Variants in TNFRSF11B observed in about 807,000 individuals in gnomAD.
TNFRSF11B encodes the protein TNF receptor superfamily member 11b, also known as tumor necrosis factor receptor superfamily member 11B.
Under a neutral mutation model 43.4 loss-of-function variants are expected in TNFRSF11B, and 16 were observed. That is an observed-to-expected ratio of 0.37 (90% CI 0.25 to 0.56). The LOEUF is 0.56. Among genes scored for constraint, TNFRSF11B ranks in the 20% least tolerant of loss-of-function variants. TNFRSF11B has a pLI of 0.80. For missense variants in TNFRSF11B, 444 were observed against 490.1 expected (o/e 0.91, Z 0.89); for synonymous variants, 185 against 181.8 (o/e 1.02, Z -0.14).
At chr8:118,949,457 G>A (rs1243774596) in intron 1 of TNFRSF11B, among the ~76,000 whole-genome samples, 1 of 152,144 alleles carries the variant, frequency 6.6e-6, no homozygotes, top group Non-Finnish European at 1.5e-5. Flanking sequence ...GAAACTTTAT[G>A]TGGGCATCTT....
chr8:118,924,739 C>T lies in TNFRSF11B; in HGVS notation c.841G>A (p.Val281Met), dbSNP rs140782326. 2.4e-3 allele frequency: 3,800 copies of T among 1,614,154 alleles called. 62 individuals are homozygous for T. The highest frequency in any genetic ancestry group is 0.019 in the South Asian group (1,761 of 91,076). ...IQDIDLCENS[V>M]QRHIGHANLT... ...TTAGCATGTCCAATGTGCCGCTGCACGCTGTTTTCACAGAGGTCAATATCT... is the reference window on the plus strand; with the variant it reads ...TTAGCATGTCCAATGTGCCGCTGCATGCTGTTTTCACAGAGGTCAATATCT... Residue 281 changes from valine (V) to methionine (M), a missense_variant, in exon 5 of 5, where the codon GTG becomes ATG. Transcript: ENST00000297350.
chr8:118,936,397 C>CA (rs1440785723), intron 1 of TNFRSF11B, among the ~76,000 whole-genome samples: 1 of 152,044 alleles, frequency 6.6e-6, no homozygotes, highest in Non-Finnish European at 1.5e-5. Context: ...TCTGTGTGGC[C>CA]AAAATTGGAT....
chr8:118,928,777 A>C lies in TNFRSF11B; in HGVS notation c.553T>G (p.Cys185Gly). 1 of 1,614,170 alleles carries C rather than the reference A, an allele frequency of 6.2e-7. No homozygotes were observed. The highest frequency in any genetic ancestry group is 8.5e-7 in the Non-Finnish European group (1 of 1,180,026). The change falls in exon 3 of 5, where the codon TGT (cysteine) becomes GGT (glycine). Residue 185 changes from cysteine to glycine, a missense_variant. Physicochemically the swap from Cys to Gly is radical, Grantham distance 159. Transcript: ENST00000297350. ...QKGNATHDNICSGNSESTQKC... is the reference protein window; with the variant it reads ...QKGNATHDNIGSGNSESTQKC... ...TGAGTTGATTCACTGTTTCCGGAAC[A>C]TATGTTGTCGTGTGTTGCATTTCCT...
intron 1 of TNFRSF11B, 117 bp downstream of exon 1, chr8:118,951,675 T>C: frequency 9.8e-7 from 1 of 1,022,440 alleles, no homozygotes; most frequent in Non-Finnish European, 1.5e-6. Flanking sequence ...ACCCCAAGCC[T>C]CTCCTGGGAG....
intron 3 of TNFRSF11B, among the ~76,000 whole-genome samples, chr8:118,927,540 C>T (rs1440068605): frequency 4.5e-5 from 6 of 133,916 alleles, no homozygotes; most frequent in Admixed American, 2.6e-4. Context: ...CCTTTTAATA[C>T]CCCTTCCTTC....
At chr8:118,951,240 TAC>T (rs1195697186) in intron 1 of TNFRSF11B, among the ~76,000 whole-genome samples, 2 of 152,218 alleles carry the variant, frequency 1.3e-5, no homozygotes, top group Non-Finnish European at 2.9e-5. Flanking sequence ...ATTAAAACAT[TAC>T]ACAGTTAAGA....
intron 1 of TNFRSF11B, among the ~76,000 whole-genome samples, chr8:118,934,186 A>G (rs911515018): frequency 1.3e-5 from 2 of 152,200 alleles, no homozygotes; most frequent in South Asian, 2.1e-4. Flanking sequence ...TATGATTACA[A>G]CAATCATTCC....
chr8:118,925,976 T>C (rs1812239792), intron 4 of TNFRSF11B, among the ~76,000 whole-genome samples: 1 of 152,252 alleles, frequency 6.6e-6, no homozygotes, highest in African/African-American at 2.4e-5. Context: ...TTTCAGATTT[T>C]ATCTCATTAA....
chr8:118,944,892 T>G (rs916808515), intron 1 of TNFRSF11B, among the ~76,000 whole-genome samples: 1 of 152,182 alleles, frequency 6.6e-6, no homozygotes, highest in Non-Finnish European at 1.5e-5. Flanking sequence ...ATCTCTTCAG[T>G]AAGTCCTGAG....
chr8:118,928,043 T>A (rs1320326100), intron 3 of TNFRSF11B, among the ~76,000 whole-genome samples: 3 of 150,902 alleles, frequency 2.0e-5, no homozygotes, highest in African/African-American at 7.3e-5. Flanking sequence ...TGTGTGTGTG[T>A]GATGAAATCT....
chr8:118,929,723 TC>T (rs1442813918), intron 2 of TNFRSF11B, among the ~76,000 whole-genome samples: 1 of 152,164 alleles, frequency 6.6e-6, no homozygotes, highest in Non-Finnish European at 1.5e-5. Context: ...ATAAATACCT[TC>T]AAACACTTGA....
At chr8:118,936,336 T>TTGGG (rs2129903404) in intron 1 of TNFRSF11B, among the ~76,000 whole-genome samples, 1 of 152,324 alleles carries the variant, frequency 6.6e-6, no homozygotes, top group South Asian at 2.1e-4. Flanking sequence ...GCAAGTTCAA[T>TTGGG]TGGGCCTCTG....
chr8:118,924,428 T>C lies in TNFRSF11B; in HGVS notation c.1152A>G (p.Leu384=). Residue 384 remains leucine (L), a synonymous_variant, in exon 5 of 5, where the codon TTA becomes TTG. Coordinates refer to ENST00000297350, the MANE Select transcript of TNFRSF11B (RefSeq NM_002546.4). The part of the protein sequence containing the change: ...SFTMYKLYQK[L]FLEMIGNQVQ... ...CCTGGTTACCTATCATTTCTAAAAA[T>C]AACTTCTGATACAATTTGTACATTG... 6.2e-7 allele frequency: 1 copy of C among 1,614,208 alleles called. No individual in the cohort carries two copies. Among genetic ancestry groups the C allele is most frequent in the Non-Finnish European group, 8.5e-7 (1 of 1,180,010 alleles).
At chr8:118,926,750 A>G (rs1478270067) in intron 3 of TNFRSF11B, 32 bp from the exon 4 acceptor site, 1 of 1,578,686 alleles carries the variant, frequency 6.3e-7, no homozygotes, top group Admixed American at 1.8e-5. Flanking sequence ...CAGAAGATTT[A>G]CTCAACAATT....
rs369646136 is a variant in TNFRSF11B at position 118,933,054 on chromosome 8, C to T, written c.277G>A (p.Val93Ile). 93 of 1,614,070 alleles carry T rather than the reference C, an allele frequency of 5.8e-5. No homozygotes were observed. The highest frequency in any genetic ancestry group is 1.6e-4 in the African/African-American group (12 of 74,930). The change falls in exon 2 of 5, where the codon GTC becomes ATC. Residue 93 changes from valine to isoleucine, a missense_variant. Val to Ile is a conservative substitution (Grantham distance 29, BLOSUM62 3). Coordinates refer to ENST00000297350, the MANE Select transcript of TNFRSF11B (RefSeq NM_002546.4). The stretch of plus-strand genomic sequence containing the variant: ...TGGGTGCGATTGCACTCCTGCTTGA[C>T]GTACTGCAGCTCCTTGCACACGGGG... ...CSPVCKELQY[V>I]KQECNRTHNR...
At chr8:118,947,159 G>T (rs1040078086) in intron 1 of TNFRSF11B, among the ~76,000 whole-genome samples, 4 of 152,210 alleles carry the variant, frequency 2.6e-5, no homozygotes, top group African/African-American at 9.7e-5. Context: ...GGTGGGTAGG[G>T]TGTTATGTGT....
At position 118,951,829 on chromosome 8, in the gene TNFRSF11B, C is replaced by G; in HGVS notation, c.-8G>C. Reference sequence around the variant, plus strand: ...GCACAGCAAGTTGTTCATTGTGGTCCCCGGAAACCTCAGGGGCTTGGAGGC... The same window carrying G: ...GCACAGCAAGTTGTTCATTGTGGTCGCCGGAAACCTCAGGGGCTTGGAGGC... On this transcript the variant is annotated 5_prime_UTR_variant, in exon 1 of 5. Coordinates refer to ENST00000297350, the MANE Select transcript of TNFRSF11B (RefSeq NM_002546.4). 10 of 1,588,402 alleles carry G rather than the reference C, an allele frequency of 6.3e-6. No homozygotes were observed. Among genetic ancestry groups the G allele is most frequent in the Non-Finnish European group, 8.6e-6 (10 of 1,167,384 alleles).
rs758662133 is a variant in TNFRSF11B, at chr8:118,933,167, G to A, written c.164C>T (p.Thr55Ile). 2.5e-6 allele frequency: 4 copies of A among 1,614,052 alleles called. No individual in the cohort carries two copies. The highest frequency in any genetic ancestry group is 3.4e-6 in the Non-Finnish European group (4 of 1,180,044). The part of the protein sequence containing the change: ...PPGTYLKQHC[T>I]AKWKTVCAPC... Reference sequence around the variant, plus strand: ...GGCGCACACGGTCTTCCACTTTGCTGTACAGTGTTGTTTTAGGTAGGTACC... The same window carrying A: ...GGCGCACACGGTCTTCCACTTTGCTATACAGTGTTGTTTTAGGTAGGTACC... The change falls in exon 2 of 5, where the codon ACA becomes ATA. Residue 55 changes from threonine to isoleucine, a missense_variant. Coordinates refer to ENST00000297350, the MANE Select transcript of TNFRSF11B (RefSeq NM_002546.4).
At chr8:118,938,337 T>C (rs1812431698) in intron 1 of TNFRSF11B, among the ~76,000 whole-genome samples, 1 of 152,100 alleles carries the variant, frequency 6.6e-6, no homozygotes, top group African/African-American at 2.4e-5. Context: ...TGCCAGACAG[T>C]GGAAGAATAA....
Sources: gnomAD v4.1 joint callset for allele counts (sites outside exome capture counted in the v4.1 genomes callset) on GRCh38, gnomAD v4.1.1 for gene constraint, MANE v1.5 for transcripts, NCBI Gene and HGNC (gene_info 2026-07-23, HGNC 2026-07-21) for gene names.